Variants in MID1 observed in about 807,000 individuals in gnomAD.
MID1 encodes E3 ubiquitin-protein ligase Midline-1.
MID1 carries 7 observed loss-of-function variants against 40.4 expected under a neutral mutation model. That is an observed-to-expected ratio of 0.17 (90% CI 0.10 to 0.33). The LOEUF (loss-of-function observed/expected upper bound fraction) is 0.33. MID1 is among the 10% of genes least tolerant of loss of function. The pLI, the probability that MID1 is intolerant of heterozygous loss-of-function variation, is 1.00. For missense variants in MID1, 367 were observed against 558.5 expected (o/e 0.66, Z 3.46); for synonymous variants, 229 against 221.2 (o/e 1.04, Z -0.31).
At chrX:10,660,408 G>T (rs959907472) in intron 1 of MID1, among the ~76,000 whole-genome samples, 1 of 112,271 alleles carries the variant, frequency 8.9e-6, no homozygotes, top group East Asian at 2.8e-4. Flanking sequence ...TCACCACAGC[G>T]CTGGGGCCTT....
chrX:10,640,529 C>T (rs1433791777), intron 1 of MID1, among the ~76,000 whole-genome samples: 1 of 111,294 alleles, frequency 9.0e-6, no homozygotes, highest in East Asian at 2.8e-4. Context: ...TCCTTAGAGA[C>T]CTACAAAGAG....
chrX:10,770,871 T>C (rs1405557316), intron 1 of MID1, among the ~76,000 whole-genome samples: 1 of 111,528 alleles, frequency 9.0e-6, no homozygotes, highest in African/African-American at 3.3e-5. Context: ...TTTGGGAGGC[T>C]GAGGCGGGTG....
chrX:10,601,609 G>C (rs1024049193), intron 1 of MID1, among the ~76,000 whole-genome samples: 1 of 111,575 alleles, frequency 9.0e-6, no homozygotes, highest in South Asian at 3.8e-4. Context: ...TGCTCTATAA[G>C]AACCGTACAA....
chrX:10,450,490 T>C (rs2147253889), intron 9 of MID1, among the ~76,000 whole-genome samples: 1 of 112,716 alleles, frequency 8.9e-6, no homozygotes, highest in East Asian at 2.8e-4. Flanking sequence ...GGACCTGGCA[T>C]GTAATATTCA....
rs1277204281 is a variant in MID1 at position 10,449,557 on chromosome X, G to A, written c.1815C>T (p.Gly605=). 2 of 1,211,810 alleles carry A rather than the reference G, an allele frequency of 1.7e-6. No homozygotes were observed. The highest frequency in any genetic ancestry group is 1.7e-5 in the African/African-American group (1 of 57,781). Residue 605 remains glycine (G), a synonymous_variant, in exon 10 of 10, where the codon GGC becomes GGT. Transcript: ENST00000317552. The part of the protein sequence containing the change: ...IEPAPHLRRV[G]ILLDYDNGSI... ...AGCCGTTATCATAGTCCAGCAGGAT[G>A]CCCACGCGCCGGAGGTGGGGGGCAG... is the stretch of plus-strand genomic sequence containing the variant.
chrX:10,660,569 T>G (rs1164428037), intron 1 of MID1, among the ~76,000 whole-genome samples: 1 of 112,578 alleles, frequency 8.9e-6, no homozygotes, highest in Non-Finnish European at 1.9e-5. Context: ...GAATACACAA[T>G]GACAAAGCCC....
At chrX:10,467,578 T>C (rs1035906769) in intron 7 of MID1, among the ~76,000 whole-genome samples, 5 of 111,897 alleles carry the variant, frequency 4.5e-5, no homozygotes, top group African/African-American at 1.6e-4. Context: ...ACTTCCCAGC[T>C]GATGTCTCTG....
At chrX:10,659,813 T>C (rs986468091) in intron 1 of MID1, among the ~76,000 whole-genome samples, 6 of 111,755 alleles carry the variant, frequency 5.4e-5, no homozygotes, top group African/African-American at 2.0e-4. Context: ...TTTTGGACAA[T>C]GCCATTGAGT....
chrX:10,580,946 A>C (rs956757155), intron 1 of MID1, among the ~76,000 whole-genome samples: 3 of 106,011 alleles, frequency 2.8e-5, no homozygotes, highest in Non-Finnish European at 3.8e-5. Context: ...AAAAAAAAAA[A>C]AAAAAAAAAA....
intron 1 of MID1, among the ~76,000 whole-genome samples, chrX:10,771,630 T>C (rs1384635563): frequency 9.3e-6 from 1 of 106,994 alleles, no homozygotes; most frequent in Non-Finnish European, 1.9e-5. Flanking sequence ...TAGCTGAGAT[T>C]ACAGGCGCCT....
intron 1 of MID1, among the ~76,000 whole-genome samples, chrX:10,806,548 A>T (rs2044050042): frequency 8.9e-6 from 1 of 112,043 alleles, no homozygotes; most frequent in African/African-American, 3.2e-5. Flanking sequence ...GATGACTGAC[A>T]TGCTCTTTAC....
At chrX:10,738,432 T>C (rs747358453) in intron 1 of MID1, among the ~76,000 whole-genome samples, 6 of 111,372 alleles carry the variant, frequency 5.4e-5, no homozygotes, top group Admixed American at 9.5e-5. Flanking sequence ...GACCCAGTCA[T>C]GAAAAACAAA....
intron 1 of MID1, among the ~76,000 whole-genome samples, chrX:10,816,141 T>C (rs754476222): frequency 4.5e-5 from 5 of 112,209 alleles, no homozygotes; most frequent in African/African-American, 1.3e-4. Context: ...ATTTCAAGTA[T>C]ATAACAGAAA....
chrX:10,514,495 C>G (rs1191824045), intron 3 of MID1, among the ~76,000 whole-genome samples: 2 of 112,047 alleles, frequency 1.8e-5, no homozygotes, highest in Non-Finnish European at 3.8e-5. Context: ...CAAAGGGAGA[C>G]ATTCAAGTAT....
At position 10,667,974 on chromosome X, in the gene MID1, G is replaced by T. The variant is rs751408249; in HGVS notation, c.-186-47555C>A. Among the ~76,000 whole-genome samples the T allele has an allele frequency of 5.3e-5, 6 of 112,182 alleles. No individual in the cohort carries two copies. In the East Asian group the frequency reaches 1.7e-3, roughly 31 times the overall value. On this transcript the variant is annotated intron_variant, in intron 1 of 10. Coordinates refer to the MID1 transcript ENST00000380785. ...TTGAAATCATTAAATTTATAAATCAGAAAATGGTTAGTCCAGTCCTGAAGC... is the reference window on the plus strand; with the variant it reads ...TTGAAATCATTAAATTTATAAATCATAAAATGGTTAGTCCAGTCCTGAAGC...
At chrX:10,451,157 T>A (rs979731282) in intron 9 of MID1, among the ~76,000 whole-genome samples, 1 of 110,921 alleles carries the variant, frequency 9.0e-6, no homozygotes, top group Non-Finnish European at 1.9e-5. Flanking sequence ...CTGTCTGTCA[T>A]CAATGTTGCA....
In MID1 at chrX:10,482,546, G is replaced by A. The variant is rs398123344; in HGVS notation, c.947C>T (p.Ala316Val). The A allele has an allele frequency of 2.1e-5, 25 of 1,208,713 alleles. No homozygotes were observed. The highest frequency in any genetic ancestry group is 2.6e-5 in the Non-Finnish European group (23 of 894,494). Residue 316 changes from alanine (A) to valine (V), a missense_variant, in exon 5 of 10, where the codon GCG becomes GTG. Around this residue, in one of 3 missense-constraint regions of MID1, gnomAD observed 275 missense variants for 383.1 expected, o/e 0.72. Coordinates refer to ENST00000317552, the MANE Select transcript of MID1 (RefSeq NM_000381.4). ...ATCATTCTCCTTCAGAGAGTGTTCC[G>A]CTTGGGAGATGAGTGATGCTGACCG... Reference protein sequence around the residue: ...IERSASLISQAEHSLKENDHA... With the variant: ...IERSASLISQVEHSLKENDHA...
intron 4 of MID1, among the ~76,000 whole-genome samples, chrX:10,492,036 T>G (rs1002931623): frequency 2.7e-5 from 3 of 111,963 alleles, no homozygotes; most frequent in African/African-American, 9.7e-5. Context: ...AATTTCAATA[T>G]CTATATTTTT....
intron 4 of MID1, among the ~76,000 whole-genome samples, chrX:10,489,696 GTTT>G (rs778434207): frequency 3.1e-5 from 3 of 95,512 alleles, no homozygotes; most frequent in Non-Finnish European, 2.1e-5. Context: ...TATTTTCAAA[GTTT>G]TTTTTTTTTT....
Sources: gnomAD v4.1 joint callset for allele counts (sites outside exome capture counted in the v4.1 genomes callset) on GRCh38, gnomAD v4.1.1 for gene constraint, gnomAD v4.1.1 regional missense constraint, MANE v1.5 for transcripts, NCBI Gene and HGNC (gene_info 2026-07-23, HGNC 2026-07-21) for gene names.